The following PDE4B variants were observed in gnomAD, a reference collection of about 807,000 sequenced individuals.
PDE4B encodes phosphodiesterase 4B.
Under a neutral mutation model 82.2 loss-of-function variants are expected in PDE4B, and 20 were observed. The ratio of observed to expected loss-of-function variants is 0.24; its 90% CI spans 0.17 to 0.35. The LOEUF (loss-of-function observed/expected upper bound fraction) is 0.35. PDE4B is among the 10% of genes least tolerant of loss of function. The pLI is 1.00. For synonymous variants in PDE4B, 320 were observed against 318.9 expected (o/e 1.00, Z -0.04); for missense variants, 655 against 907.2 (o/e 0.72, Z 3.57).
chr1:66,253,946 C>T (rs1044250800), intron 4 of PDE4B, among the ~76,000 whole-genome samples: 9 of 152,250 alleles, frequency 5.9e-5, no homozygotes, highest in Admixed American at 2.0e-4. Flanking sequence ...GACATTATGC[C>T]CTATTAATGT....
chr1:65,848,272 G>GA (rs1646289392), intron 1 of PDE4B, among the ~76,000 whole-genome samples: 1 of 152,018 alleles, frequency 6.6e-6, no homozygotes, highest in Non-Finnish European at 1.5e-5. Flanking sequence ...CTGAGTAGCT[G>GA]AGACTACAGG....
intron 1 of PDE4B, among the ~76,000 whole-genome samples, chr1:65,845,592 G>A (rs189298374): frequency 4.6e-5 from 7 of 152,156 alleles, no homozygotes; most frequent in Admixed American, 3.3e-4. Flanking sequence ...AAATGTGGGC[G>A]GAATGAAGGA....
intron 3 of PDE4B, among the ~76,000 whole-genome samples, chr1:65,948,498 A>C (rs1212369285): frequency 1.3e-5 from 2 of 151,874 alleles, no homozygotes; most frequent in African/African-American, 2.4e-5. Context: ...GAGAGGCTAG[A>C]CCAGTCTCTC....
intron 1 of PDE4B, among the ~76,000 whole-genome samples, chr1:65,881,635 G>T (rs544676121): frequency 6.6e-6 from 1 of 152,042 alleles, no homozygotes; most frequent in South Asian, 2.1e-4. Context: ...TTGCCAATAC[G>T]ACCCACAATG....
intron 3 of PDE4B, among the ~76,000 whole-genome samples, chr1:66,041,178 A>G (rs1654347872): frequency 6.6e-6 from 1 of 151,980 alleles, no homozygotes; most frequent in Non-Finnish European, 1.5e-5. Flanking sequence ...GTAGCTTAGA[A>G]AGTATAATGG....
At chr1:65,928,820 C>A (rs549322995) in intron 3 of PDE4B, among the ~76,000 whole-genome samples, 1 of 152,258 alleles carries the variant, frequency 6.6e-6, no homozygotes, top group South Asian at 2.1e-4. Flanking sequence ...TACAGTGGGC[C>A]ATCTTTTAGT....
intron 3 of PDE4B, among the ~76,000 whole-genome samples, chr1:66,245,305 A>G (rs1478922051): frequency 1.3e-5 from 2 of 152,206 alleles, no homozygotes; most frequent in African/African-American, 4.8e-5. Flanking sequence ...GCACAGATAC[A>G]TACCAGATGA....
intron 3 of PDE4B, among the ~76,000 whole-genome samples, chr1:66,057,108 A>C (rs1336513024): frequency 1.3e-5 from 2 of 152,160 alleles, no homozygotes; most frequent in African/African-American, 4.8e-5. Context: ...TCCCCTACCC[A>C]AGACAAATTT....
intron 7 of PDE4B, among the ~76,000 whole-genome samples, chr1:66,276,327 A>C (rs1341244699): frequency 6.6e-6 from 1 of 152,266 alleles, no homozygotes; most frequent in African/African-American, 2.4e-5. Flanking sequence ...ACTCAAGACC[A>C]CAAAGTTAGT....
intron 7 of PDE4B, among the ~76,000 whole-genome samples, chr1:66,287,888 G>A (rs529219727): frequency 5.3e-5 from 8 of 152,054 alleles, no homozygotes; most frequent in Admixed American, 2.0e-4. Context: ...GCAGGAGGAT[G>A]ACTTGAGTCC....
chr1:65,813,871 C>A (rs1570963302), intron 1 of PDE4B, among the ~76,000 whole-genome samples: 2 of 127,432 alleles, frequency 1.6e-5, no homozygotes, highest in African/African-American at 3.0e-5. Context: ...ATAATGTGTC[C>A]AATAGGCAGT....
rs920212767 is a variant in PDE4B, at chr1:66,041,263, C to T, written c.281+122428C>T. 2.0e-5 allele frequency among the ~76,000 whole-genome samples: 3 copies of T among 151,926 alleles called. No homozygotes were observed. In the East Asian group the frequency reaches 5.8e-4, roughly 29 times the overall value. On this transcript the variant is annotated intron_variant, in intron 3 of 16. Transcript: ENST00000341517. ...TTAAGACTCAATTCATAGTTGGCTT[C>T]TATTGATTTTTTACCATCCAGTACT...
intron 8 of PDE4B, among the ~76,000 whole-genome samples, chr1:66,333,475 C>A (rs942962052): frequency 6.6e-6 from 1 of 152,156 alleles, no homozygotes; most frequent in Non-Finnish European, 1.5e-5. Flanking sequence ...TGTACACACA[C>A]ACACACACAC....
intron 3 of PDE4B, among the ~76,000 whole-genome samples, chr1:65,931,149 C>T (rs536876041): frequency 1.8e-4 from 28 of 152,180 alleles, no homozygotes; most frequent in South Asian, 8.3e-4. Context: ...CTTCTTCCTG[C>T]TCCACCCATG....
At chr1:65,821,630 C>T (rs188987386) in intron 1 of PDE4B, among the ~76,000 whole-genome samples, 1 of 152,312 alleles carries the variant, frequency 6.6e-6, no homozygotes, top group Non-Finnish European at 1.5e-5. Flanking sequence ...TTTCTGACTT[C>T]TCATTTTAGA....
intron 3 of PDE4B, among the ~76,000 whole-genome samples, chr1:66,052,596 C>G (rs1469126948): frequency 7.0e-6 from 1 of 142,224 alleles, no homozygotes; most frequent in Non-Finnish European, 1.5e-5. Flanking sequence ...TTTCTTTCCT[C>G]TTCTGTTTCT....
At chr1:65,905,378 C>A (rs940590771) in intron 1 of PDE4B, among the ~76,000 whole-genome samples, 1 of 152,082 alleles carries the variant, frequency 6.6e-6, no homozygotes, top group African/African-American at 2.4e-5. Flanking sequence ...ATACACTCTA[C>A]ATCCAGTCGA....
intron 3 of PDE4B, among the ~76,000 whole-genome samples, chr1:65,923,170 T>G (rs1303959556): frequency 6.6e-6 from 1 of 152,182 alleles, no homozygotes; most frequent in Non-Finnish European, 1.5e-5. Flanking sequence ...AGCTGCAGCC[T>G]AAGTCATCTT....
At chr1:66,199,368 T>C (rs1039264252) in intron 3 of PDE4B, among the ~76,000 whole-genome samples, 1 of 152,228 alleles carries the variant, frequency 6.6e-6, no homozygotes, top group Non-Finnish European at 1.5e-5. Flanking sequence ...CCAGTGATGA[T>C]GAGCATTTTT....
Sources: gnomAD v4.1 joint callset for allele counts (sites outside exome capture counted in the v4.1 genomes callset) on GRCh38, gnomAD v4.1.1 for gene constraint, MANE v1.5 for transcripts, NCBI Gene and HGNC (gene_info 2026-07-23, HGNC 2026-07-21) for gene names.